ANXA8: variants seen among roughly 807,000 people sequenced by gnomAD.
The protein encoded by ANXA8 is annexin A8.
In ANXA8, 9 loss-of-function variants were observed where a neutral mutation model predicts 26.8. That is an observed-to-expected ratio of 0.34 (90% CI 0.20 to 0.59). The LOEUF is 0.59. Among genes scored for constraint, ANXA8 ranks in the 20% least tolerant of loss-of-function variants. The probability of loss-of-function intolerance (pLI) is 0.84; values close to 1 mark genes in which losing one functional copy is unlikely to be tolerated. For synonymous variants in ANXA8, 39 were observed against 94.8 expected, an observed-to-expected ratio of 0.41 and a Z score of 3.42; for missense variants, 83 against 238.5, an observed-to-expected ratio of 0.35 and a Z score of 4.29.
At chr10:47,523,470 CT>C in the ANXA8 span, 1 of 1,581,166 alleles carries the variant, frequency 6.3e-7, no homozygotes, top group Admixed American at 1.7e-5. Flanking sequence ...ACCCCTGCTG[CT>C]GGTCAAACTC....
At chr10:47,510,150 C>A in the ANXA8 span, 4 of 1,180,982 alleles carry the variant, frequency 3.4e-6, no homozygotes. Context: ...ATCTGTCCCT[C>A]GGCAGCATAG....
chr10:47,748,674 A>AG, the ANXA8 span, among the ~76,000 whole-genome samples: 94 of 150,290 alleles, frequency 6.3e-4, no homozygotes, highest in Non-Finnish European at 7.5e-4. Flanking sequence ...TCTTTTGTAG[A>AG]GGGGGGGGAT....
chr10:47,733,183 T>TTCTTTCTTTCTTTCTCTCTCTC, the ANXA8 span, among the ~76,000 whole-genome samples: 1 of 86,960 alleles, frequency 1.1e-5, no homozygotes, highest in African/African-American at 3.2e-5. Context: ...CTTTCTTTCT[T>TTCTTTCTTTCTTTCTCTCTCTC]TCTTTCTTTC....
chr10:47,675,903 A>G, the ANXA8 span, among the ~76,000 whole-genome samples: 1 of 151,698 alleles, frequency 6.6e-6, no homozygotes, highest in East Asian at 1.9e-4. Flanking sequence ...CTGTAGAGTC[A>G]TGGAAATTAT....
At chr10:47,591,075 T>C in the ANXA8 span, among the ~76,000 whole-genome samples, 5 of 144,132 alleles carry the variant, frequency 3.5e-5, no homozygotes, top group Non-Finnish European at 7.4e-5. Flanking sequence ...ACGCATCTTG[T>C]CCTCCTACCT....
chr10:47,619,272 C>A, the ANXA8 span, among the ~76,000 whole-genome samples: 6 of 112,844 alleles, frequency 5.3e-5, 2 homozygotes, highest in Non-Finnish European at 1.2e-4. Flanking sequence ...GCAAATTTAC[C>A]TAAATCATGA....
chr10:47,512,739 A>T, the ANXA8 span, among the ~76,000 whole-genome samples: 1 of 29,546 alleles, frequency 3.4e-5, no homozygotes, highest in Non-Finnish European at 6.3e-5. Flanking sequence ...GTCTTGTTCC[A>T]GTTCTCGGGG....
At chr10:47,487,043 A>T (rs1226131915), upstream of ANXA8, among the ~76,000 whole-genome samples, 1 of 151,482 alleles carries the variant, frequency 6.6e-6, no homozygotes, top group Non-Finnish European at 1.5e-5. Context: ...TACCCAACAC[A>T]TAGTAATACC....
the ANXA8 span, among the ~76,000 whole-genome samples, chr10:47,527,461 A>G: frequency 7.2e-6 from 1 of 139,800 alleles, no homozygotes; most frequent in Non-Finnish European, 1.5e-5. Flanking sequence ...AGAGACATGT[A>G]TGAATCAGGA....
At chr10:47,667,823 C>T in the ANXA8 span, among the ~76,000 whole-genome samples, 4 of 151,946 alleles carry the variant, frequency 2.6e-5, no homozygotes, top group Admixed American at 6.6e-5. Context: ...CTGTAACCTC[C>T]GCCTACTGGG....
chr10:47,547,098 A>C, the ANXA8 span, among the ~76,000 whole-genome samples: 1 of 114,146 alleles, frequency 8.8e-6, no homozygotes, highest in Non-Finnish European at 1.8e-5. Context: ...CTCAGCTGCC[A>C]ATCTTTGCCA....
At chr10:47,644,192 A>G in the ANXA8 span, among the ~76,000 whole-genome samples, 1 of 146,058 alleles carries the variant, frequency 6.8e-6, no homozygotes, top group South Asian at 2.1e-4. Flanking sequence ...TATGCATAAA[A>G]ACTGCACGTC....
chr10:47,970,576 A>G, the ANXA8 span: 1 of 151,464 alleles, frequency 6.6e-6, no homozygotes, highest in African/African-American at 2.4e-5. Context: ...CAATTACTGT[A>G]TAACAGTTCA....
At chr10:47,650,058 A>C in the ANXA8 span, among the ~76,000 whole-genome samples, 1 of 149,542 alleles carries the variant, frequency 6.7e-6, no homozygotes, top group Non-Finnish European at 1.5e-5. Flanking sequence ...AAATACAAAA[A>C]TTAGCTGGGC....
chr10:47,594,120 G>A, the ANXA8 span, among the ~76,000 whole-genome samples: 63 of 148,966 alleles, frequency 4.2e-4, 2 homozygotes, highest in South Asian at 2.1e-4. Flanking sequence ...TTTGGGACTC[G>A]GACTGGCTTC....
the ANXA8 span, among the ~76,000 whole-genome samples, chr10:47,722,732 G>A: frequency 7.0e-6 from 1 of 142,162 alleles, no homozygotes; most frequent in Admixed American, 7.1e-5. Flanking sequence ...AAGTCATGTG[G>A]CATCACTTCT....
At chr10:47,520,838 TAAAAAAAAAAA>T in the ANXA8 span, among the ~76,000 whole-genome samples, 3 of 89,364 alleles carry the variant, frequency 3.4e-5, no homozygotes, top group Non-Finnish European at 2.1e-5. Context: ...CTCCTTTATT[TAAAAAAAAAAA>T]AAAAAAAAAA....
At chr10:47,942,418 G>A in the ANXA8 span, among the ~76,000 whole-genome samples, 1 of 143,154 alleles carries the variant, frequency 7.0e-6, no homozygotes. Context: ...TGGTGTGAGA[G>A]GTACAGGGTT....
chr10:47,896,904 T>TTTTATTTATTTATTTATTTATTTA, the ANXA8 span, among the ~76,000 whole-genome samples: 1 of 145,930 alleles, frequency 6.9e-6, no homozygotes, highest in African/African-American at 2.6e-5. Context: ...AATGAAGAGA[T>TTTTATTTATTTATTTATTTATTTA]TTTATTTATT....
Sources: allele counts gnomAD v4.1 joint callset (sites outside exome capture counted in the v4.1 genomes callset), GRCh38; gene constraint gnomAD v4.1.1; transcripts MANE v1.5; gene names NCBI Gene and HGNC (gene_info 2026-07-23, HGNC 2026-07-21).